MEIS2: variants seen among roughly 807,000 people sequenced by gnomAD.
MEIS2 encodes the protein Meis homeobox 2, also known as homeobox protein Meis2.
Under a neutral mutation model 58.6 loss-of-function variants are expected in MEIS2, and 9 were observed. The observed-to-expected ratio is 0.15, with a 90% CI of 0.09 to 0.27. MEIS2 has a LOEUF of 0.27. Ranked by LOEUF, MEIS2 falls within the 10% of genes least tolerant of loss-of-function variation. MEIS2 has a pLI of 1.00. For synonymous variants in MEIS2, 221 were observed against 228.4 expected (o/e 0.97, Z 0.29); for missense variants, 427 against 635.0 (o/e 0.67, Z 3.52).
At chr15:37,098,272 A>T in intron 1 of MEIS2, 73 bp from the exon 2 acceptor site, 1 of 1,460,698 alleles carries the variant, frequency 6.8e-7, no homozygotes, top group Non-Finnish European at 9.1e-7. Flanking sequence ...GAAAGGGAAA[A>T]AGAGCAGGGA....
chr15:36,904,602 C>T (rs1199858653), intron 9 of MEIS2, among the ~76,000 whole-genome samples: 3 of 150,950 alleles, frequency 2.0e-5, no homozygotes, highest in Non-Finnish European at 2.9e-5. Flanking sequence ...GCATTACACT[C>T]TTTGAATCAA....
intron 9 of MEIS2, among the ~76,000 whole-genome samples, chr15:36,900,481 T>C (rs1358091263): frequency 6.6e-6 from 1 of 152,230 alleles, no homozygotes; most frequent in African/African-American, 2.4e-5. Flanking sequence ...TGCATGAGTA[T>C]GTGTGATCCT....
chr15:37,030,353 G>A (rs2061864968), intron 8 of MEIS2, among the ~76,000 whole-genome samples: 2 of 151,924 alleles, frequency 1.3e-5, no homozygotes, highest in East Asian at 1.9e-4. Context: ...CTACTGAGGG[G>A]TATTTCCATT....
chr15:37,029,563 G>A (rs1458542888), intron 8 of MEIS2, among the ~76,000 whole-genome samples: 1 of 152,130 alleles, frequency 6.6e-6, no homozygotes, highest in Non-Finnish European at 1.5e-5. Flanking sequence ...TGGAGAAATT[G>A]GGGGTGCAGG....
At chr15:37,093,853 T>C (rs1881751249) in intron 5 of MEIS2, 123 bp from the exon 6 acceptor site, 1 of 1,205,642 alleles carries the variant, frequency 8.3e-7, no homozygotes, top group South Asian at 1.4e-5. Flanking sequence ...CAGTGTGATG[T>C]CTTCCAAACT....
chr15:37,068,898 G>A (rs1308200233), intron 7 of MEIS2, among the ~76,000 whole-genome samples: 1 of 152,128 alleles, frequency 6.6e-6, no homozygotes, highest in Admixed American at 6.5e-5. Context: ...CAGGTTTCAA[G>A]GTCCCTATCA....
chr15:36,918,978 C>A (rs1314044529), intron 9 of MEIS2, among the ~76,000 whole-genome samples: 1 of 152,068 alleles, frequency 6.6e-6, no homozygotes, highest in Admixed American at 6.5e-5. Context: ...AGATTTTAGG[C>A]CAGGCACATT....
rs1447846395 is a variant in MEIS2 at position 37,099,667 on chromosome 15, T to C, written c.-201A>G. Reference sequence around the variant, plus strand: ...GAATTTTTTTTTCTGTGATATTTCTTCTTTTTCTCTTTTTTCCTCTTCTTC... The same window carrying C: ...GAATTTTTTTTTCTGTGATATTTCTCCTTTTTCTCTTTTTTCCTCTTCTTC... On this transcript the variant is annotated 5_prime_UTR_variant, in exon 1 of 12. Transcript: ENST00000561208. 1 of 615,404 alleles carries C rather than the reference T, an allele frequency of 1.6e-6. No individual in the cohort carries two copies. Among genetic ancestry groups the C allele is most frequent in the African/African-American group, 1.9e-5 (1 of 53,340 alleles). 38.1% of individuals were successfully genotyped at this position (615,404 alleles called of 1,614,324 possible).
chr15:37,090,787 T>C (rs1286148047), intron 6 of MEIS2, among the ~76,000 whole-genome samples: 1 of 152,172 alleles, frequency 6.6e-6, no homozygotes, highest in Non-Finnish European at 1.5e-5. Flanking sequence ...AAGAGAAACC[T>C]TGGCATACAA....
At chr15:37,098,875 G>C (rs1410972771) in intron 1 of MEIS2, 2 of 977,706 alleles carry the variant, frequency 2.0e-6, no homozygotes, top group South Asian at 4.7e-5. Context: ...AGCGGAGGGT[G>C]GGGGGGCGAA....
At chr15:36,892,632 A>G (rs1441906453) in intron 11 of MEIS2, among the ~76,000 whole-genome samples, 173 bp from the exon 12 acceptor site, 2 of 152,182 alleles carry the variant, frequency 1.3e-5, no homozygotes, top group African/African-American at 4.8e-5. Context: ...TGTAGTTTGC[A>G]TTTAATTTCA....
intron 7 of MEIS2, among the ~76,000 whole-genome samples, chr15:37,041,547 C>T (rs2062423094): frequency 6.6e-6 from 1 of 152,178 alleles, no homozygotes. Context: ...GTAGCTCCAG[C>T]ATACACCTAC....
At chr15:37,060,765 T>TTGGCATC (rs1170239383) in intron 7 of MEIS2, among the ~76,000 whole-genome samples, 1 of 152,184 alleles carries the variant, frequency 6.6e-6, no homozygotes. Flanking sequence ...TGCTTGGCAT[T>TTGGCATC]TGGCATCAGC....
rs546504821 is a variant in MEIS2 at position 36,958,529 on chromosome 15, G to A, written c.901-8129C>T. 3.3e-5 allele frequency among the ~76,000 whole-genome samples: 5 copies of A among 152,204 alleles called. No homozygotes were observed. The East Asian group carries it at 5.8e-4, about 18-fold the overall frequency. On this transcript the variant is annotated intron_variant, in intron 8 of 11. Coordinates refer to ENST00000561208, the MANE Select transcript of MEIS2 (RefSeq NM_170675.5). ...CAGTGATGGAATTAAGTGATGGTCCGATACCACCAACACTCATTTTACCTC... is the reference window on the plus strand; with the variant it reads ...CAGTGATGGAATTAAGTGATGGTCCAATACCACCAACACTCATTTTACCTC...
intron 7 of MEIS2, among the ~76,000 whole-genome samples, chr15:37,040,046 TG>T (rs1381924766): frequency 3.3e-5 from 4 of 122,864 alleles, no homozygotes; most frequent in African/African-American, 1.2e-4. Context: ...TGGATATTGG[TG>T]TTTTTTTTTT....
intron 9 of MEIS2, among the ~76,000 whole-genome samples, chr15:36,943,984 A>T (rs906481718): frequency 2.0e-5 from 3 of 152,106 alleles, no homozygotes; most frequent in African/African-American, 7.2e-5. Context: ...TACAAGATAG[A>T]AGGGTGTCTA....
intron 7 of MEIS2, among the ~76,000 whole-genome samples, chr15:37,048,158 C>A (rs890125369): frequency 2.0e-5 from 3 of 152,074 alleles, no homozygotes; most frequent in Non-Finnish European, 2.9e-5. Context: ...ATATAAAACA[C>A]ATTTTTAACA....
chr15:37,088,302 T>A (rs1178803365), intron 6 of MEIS2, among the ~76,000 whole-genome samples: 1 of 152,122 alleles, frequency 6.6e-6, no homozygotes, highest in Non-Finnish European at 1.5e-5. Flanking sequence ...TAAACATACA[T>A]AAAGATATTT....
intron 9 of MEIS2, among the ~76,000 whole-genome samples, chr15:36,930,552 C>T (rs561984314): frequency 1.6e-4 from 25 of 152,202 alleles, no homozygotes; most frequent in Non-Finnish European, 2.8e-4. Flanking sequence ...ATGTCCTCGG[C>T]GTCTAGGTTT....
Sources: allele counts gnomAD v4.1 joint callset (sites outside exome capture counted in the v4.1 genomes callset), GRCh38; gene constraint gnomAD v4.1.1; transcripts MANE v1.5; gene names NCBI Gene and HGNC (gene_info 2026-07-23, HGNC 2026-07-21).